MSN: variants seen among roughly 807,000 people sequenced by gnomAD.
MSN encodes epididymis luminal protein 70.
A neutral mutation model predicts 48.0 loss-of-function variants in MSN; 2 were observed. That is an observed-to-expected ratio of 0.04 (90% CI 0.02 to 0.13). MSN has a LOEUF of 0.13. MSN is among the 10% of genes least tolerant of loss of function. The pLI is 1.00. For synonymous variants in MSN, 146 were observed against 166.9 expected, an observed-to-expected ratio of 0.87 and a Z score of 0.97; for missense variants, 267 against 470.1, an observed-to-expected ratio of 0.57 and a Z score of 3.99.
intron 1 of MSN, among the ~76,000 whole-genome samples, chrX:65,655,511 C>A (rs1207066417): frequency 8.9e-6 from 1 of 112,063 alleles, no homozygotes. Flanking sequence ...GGTCATGTAA[C>A]CTTTGTCAAC....
chrX:65,615,652 G>A (rs2070363557), intron 1 of MSN, among the ~76,000 whole-genome samples: 1 of 104,394 alleles, frequency 9.6e-6, no homozygotes, highest in Non-Finnish European at 2.0e-5. Flanking sequence ...CCATTTTGTA[G>A]GTTGCCTGTT....
intron 4 of MSN, 109 bp downstream of exon 4, chrX:65,729,821 C>A: frequency 1.2e-6 from 1 of 827,468 alleles, no homozygotes; most frequent in Non-Finnish European, 1.7e-6. Context: ...CCATTGGGGT[C>A]TGTCTGAAGA....
intron 10 of MSN, 73 bp from the exon 11 acceptor site, chrX:65,738,452 G>T (rs1045521854): frequency 1.1e-6 from 1 of 938,550 alleles, no homozygotes; most frequent in African/African-American, 1.9e-5. Flanking sequence ...TCCCCCAGGG[G>T]ACTTGGGTTG....
chrX:65,718,690 C>T (rs1007874436), intron 2 of MSN, among the ~76,000 whole-genome samples: 2 of 109,539 alleles, frequency 1.8e-5, no homozygotes, highest in Non-Finnish European at 3.8e-5. Flanking sequence ...TGGTGGTGCA[C>T]ACCTATAGTC....
chrX:65,737,105 T>G (rs2071685179), intron 9 of MSN, 73 bp from the exon 10 acceptor site: 1 of 1,145,310 alleles, frequency 8.7e-7, no homozygotes, highest in Non-Finnish European at 1.2e-6. Context: ...GTGGATCATT[T>G]CCAGGAACGA....
intron 1 of MSN, among the ~76,000 whole-genome samples, chrX:65,646,960 A>G (rs1264635964): frequency 9.0e-6 from 1 of 110,851 alleles, no homozygotes; most frequent in African/African-American, 3.3e-5. Flanking sequence ...AACAAAACAA[A>G]ACAAAACAAA....
At chrX:65,653,994 T>C (rs2070761726) in intron 1 of MSN, among the ~76,000 whole-genome samples, 2 of 110,551 alleles carry the variant, frequency 1.8e-5, no homozygotes, top group African/African-American at 6.6e-5. Context: ...CAGACTGGTC[T>C]TGAACTCCTG....
At chrX:65,697,834 G>C (rs1036187140) in intron 1 of MSN, among the ~76,000 whole-genome samples, 4 of 112,236 alleles carry the variant, frequency 3.6e-5, no homozygotes, top group Non-Finnish European at 7.5e-5. Flanking sequence ...GAAGTGCTTT[G>C]AATCATGATC....
chrX:65,624,468 G>A (rs911611243), intron 1 of MSN, among the ~76,000 whole-genome samples: 4 of 109,618 alleles, frequency 3.6e-5, no homozygotes, highest in South Asian at 7.6e-4. Context: ...ACCAACTTTG[G>A]GTTTCATTCA....
chrX:65,605,542 A>C (rs1300684710), intron 1 of MSN, among the ~76,000 whole-genome samples: 1 of 112,045 alleles, frequency 8.9e-6, no homozygotes, highest in African/African-American at 3.2e-5. Flanking sequence ...TTTGTAAAAC[A>C]TAGATCATGC....
intron 1 of MSN, among the ~76,000 whole-genome samples, chrX:65,640,548 A>AAAAC (rs1157059798): frequency 1.8e-5 from 2 of 111,243 alleles, no homozygotes; most frequent in South Asian, 3.7e-4. Context: ...CCATCTCAAC[A>AAAAC]AAACAAACAA....
chrX:65,655,923 T>C (rs2070777565), intron 1 of MSN, among the ~76,000 whole-genome samples: 1 of 111,195 alleles, frequency 9.0e-6, no homozygotes, highest in Non-Finnish European at 1.9e-5. Context: ...CCTGCCATCA[T>C]GCCTGGCTAA....
At position 65,739,808 on chromosome X, in the gene MSN, G is replaced by A. The variant is rs2147521329; in HGVS notation, c.1649G>A (p.Arg550Gln). Residue 550 changes from arginine (R) to glutamine (Q), a missense_variant, in exon 13 of 13, where the codon CGA (arginine) becomes CAA (glutamine). By Grantham distance (43) the Arg-to-Gln change is conservative. Transcript: ENST00000360270. ...GACATGATCCATGCTGAGAACATGC[G>A]ACTGGGCCGAGACAAATACAAGACC... The part of the protein sequence containing the change: ...ANDMIHAENM[R>Q]LGRDKYKTLR... The A allele has an allele frequency of 8.3e-7, 1 of 1,211,149 alleles. No homozygotes were observed. Among genetic ancestry groups the A allele is most frequent in the Non-Finnish European group, 1.1e-6 (1 of 895,273 alleles).
intron 1 of MSN, among the ~76,000 whole-genome samples, chrX:65,713,991 G>A (rs1438091437): frequency 9.0e-6 from 1 of 111,416 alleles, no homozygotes; most frequent in Admixed American, 9.5e-5. Context: ...TATTGTCCAG[G>A]CTGGTCTTGA....
chrX:65,689,041 G>A (rs1394391318), intron 1 of MSN, among the ~76,000 whole-genome samples: 1 of 111,625 alleles, frequency 9.0e-6, no homozygotes, highest in African/African-American at 3.3e-5. Flanking sequence ...GAGAGGAAGA[G>A]GTATTGGAGA....
At chrX:65,726,517 T>C (rs1229471344) in intron 2 of MSN, among the ~76,000 whole-genome samples, 1 of 111,514 alleles carries the variant, frequency 9.0e-6, no homozygotes, top group Non-Finnish European at 1.9e-5. Context: ...AGCTCTAGAT[T>C]GTAAACTCTG....
At chrX:65,617,102 G>T (rs1183424611) in intron 1 of MSN, among the ~76,000 whole-genome samples, 1 of 106,391 alleles carries the variant, frequency 9.4e-6, no homozygotes, top group Non-Finnish European at 1.9e-5. Context: ...TGCTGGATTC[G>T]GTTTGCCAGT....
chrX:65,735,640 A>T (rs1252942092), intron 8 of MSN, among the ~76,000 whole-genome samples: 1 of 112,278 alleles, frequency 8.9e-6, no homozygotes, highest in African/African-American at 3.2e-5. Flanking sequence ...GCCCTGTAGG[A>T]CCTCACAGTC....
At position 65,735,267 on chromosome X, in the gene MSN, G is replaced by A; in HGVS notation, c.796G>A (p.Asp266Asn). 8.3e-7 allele frequency: 1 copy of A among 1,208,960 alleles called. No homozygotes were observed. Among genetic ancestry groups the A allele is most frequent in the Non-Finnish European group, 1.1e-6 (1 of 894,273 alleles). The change falls in exon 8 of 13, where the codon GAC (aspartate) becomes AAC (asparagine). Residue 266 changes from aspartate to asparagine, a missense_variant and splice_region_variant. Physicochemically the swap from Asp to Asn is conservative, Grantham distance 23 (BLOSUM62 1). Around this residue, in one of 5 missense-constraint regions of MSN, gnomAD observed 58 missense variants for 104.6 expected, o/e 0.55. Coordinates refer to ENST00000360270, the MANE Select transcript of MSN (RefSeq NM_002444.3). ...TTTCTGATTGCTGATTTCCCACCAGGACTTCGTCTTCTATGCTCCCCGGCT... is the reference window on the plus strand; with the variant it reads ...TTTCTGATTGCTGATTTCCCACCAGAACTTCGTCTTCTATGCTCCCCGGCT... ...VIKPIDKKAP[D>N]FVFYAPRLRI...
Sources: allele counts gnomAD v4.1 joint callset (sites outside exome capture counted in the v4.1 genomes callset), GRCh38; gene constraint gnomAD v4.1.1; regional missense constraint gnomAD v4.1.1; transcripts MANE v1.5; gene names NCBI Gene and HGNC (gene_info 2026-07-23, HGNC 2026-07-21).